The following GPC5 variants were observed in gnomAD, a reference collection of about 807,000 sequenced individuals.
GPC5 encodes glypican 5.
A neutral mutation model predicts 53.9 loss-of-function variants in GPC5; 47 were observed. The ratio of observed to expected loss-of-function variants is 0.87; its 90% confidence interval spans 0.69 to 1.11. The LOEUF is 1.11. GPC5 is among the 50% of genes most tolerant of loss of function. GPC5 has a pLI of 0.00. For synonymous variants in GPC5, 286 were observed against 263.3 expected (o/e 1.09, Z -0.84); for missense variants, 748 against 713.1 (o/e 1.05, Z -0.56).
intron 4 of GPC5, among the ~76,000 whole-genome samples, chr13:91,745,168 G>A (rs1463137460): frequency 2.6e-5 from 4 of 152,060 alleles, no homozygotes; most frequent in Admixed American, 2.6e-4. Context: ...AGGGGAAAAC[G>A]ATGTTAGAAC....
intron 5 of GPC5, among the ~76,000 whole-genome samples, chr13:91,834,268 A>G (rs979057835): frequency 6.6e-6 from 1 of 152,212 alleles, no homozygotes; most frequent in African/African-American, 2.4e-5. Context: ...ATGGAAATAT[A>G]TTCCATGCTC....
intron 6 of GPC5, among the ~76,000 whole-genome samples, chr13:92,139,903 T>C (rs988164626): frequency 4.7e-4 from 72 of 152,178 alleles, no homozygotes; most frequent in African/African-American, 1.6e-3. Context: ...TCAAAATAGA[T>C]GTATTTAGCG....
chr13:92,479,471 A>G (rs1458288587), intron 7 of GPC5, among the ~76,000 whole-genome samples: 1 of 152,200 alleles, frequency 6.6e-6, no homozygotes, highest in Non-Finnish European at 1.5e-5. Context: ...TGAAATCTCA[A>G]TTAGAGTGGT....
intron 7 of GPC5, among the ~76,000 whole-genome samples, chr13:92,315,314 A>AT (rs1201902104): frequency 6.6e-6 from 1 of 152,112 alleles, no homozygotes; most frequent in Non-Finnish European, 1.5e-5. Flanking sequence ...GGTAGGATAA[A>AT]TTGGGCTCCT....
At chr13:92,298,388 C>T (rs1370582462) in intron 7 of GPC5, among the ~76,000 whole-genome samples, 1 of 152,186 alleles carries the variant, frequency 6.6e-6, no homozygotes, top group Admixed American at 6.5e-5. Context: ...CCGGAGGTTT[C>T]CTTCTCCCTG....
intron 5 of GPC5, among the ~76,000 whole-genome samples, chr13:91,891,754 T>G (rs1195911472): frequency 6.6e-6 from 1 of 152,166 alleles, no homozygotes; most frequent in African/African-American, 2.4e-5. Flanking sequence ...GTGGTTAAAT[T>G]TTGTTCAGCT....
chr13:92,633,191 C>T (rs1885311727), intron 7 of GPC5, among the ~76,000 whole-genome samples: 1 of 152,146 alleles, frequency 6.6e-6, no homozygotes, highest in South Asian at 2.1e-4. Context: ...CCACGCCCAG[C>T]CAAAACTCCC....
At chr13:91,449,221 C>G (rs1042551405) in intron 2 of GPC5, among the ~76,000 whole-genome samples, 5 of 151,976 alleles carry the variant, frequency 3.3e-5, no homozygotes, top group Non-Finnish European at 7.4e-5. Context: ...CATAGCTGTA[C>G]TTTAATATGA....
At chr13:92,281,313 C>T (rs916105315) in intron 7 of GPC5, among the ~76,000 whole-genome samples, 3 of 152,206 alleles carry the variant, frequency 2.0e-5, no homozygotes. Flanking sequence ...TAGACTCCAC[C>T]TCTGGGGGCA....
chr13:92,087,192 T>C (rs2041342579), intron 6 of GPC5, among the ~76,000 whole-genome samples: 2 of 152,258 alleles, frequency 1.3e-5, no homozygotes, highest in South Asian at 4.1e-4. Flanking sequence ...TGATGCTTTC[T>C]TTAATGCCCT....
intron 4 of GPC5, among the ~76,000 whole-genome samples, chr13:91,735,744 A>G (rs750380051): frequency 6.6e-6 from 1 of 151,162 alleles, no homozygotes; most frequent in Non-Finnish European, 1.5e-5. Context: ...GCACTGGTAC[A>G]GTTTCCTCCT....
At chr13:92,243,147 T>G (rs959983501) in intron 7 of GPC5, among the ~76,000 whole-genome samples, 1 of 152,208 alleles carries the variant, frequency 6.6e-6, no homozygotes, top group Non-Finnish European at 1.5e-5. Context: ...TAATTTGACT[T>G]GTTATTACAA....
intron 2 of GPC5, among the ~76,000 whole-genome samples, chr13:91,503,780 A>AAATAATGATAATAAT (rs145615182): frequency 1.2e-3 from 158 of 132,882 alleles, no homozygotes; most frequent in African/African-American, 4.3e-3. Flanking sequence ...CTCTGTCTCA[A>AAATAATGATAATAAT]AATAATAATA....
intron 7 of GPC5, among the ~76,000 whole-genome samples, chr13:92,346,000 C>T (rs529709312): frequency 4.6e-5 from 7 of 152,284 alleles, no homozygotes; most frequent in African/African-American, 1.7e-4. Flanking sequence ...GTTCATTTTA[C>T]TTTGAGTCTC....
chr13:92,815,028 A>T (rs1289713699), intron 7 of GPC5, among the ~76,000 whole-genome samples: 1 of 152,040 alleles, frequency 6.6e-6, no homozygotes, highest in Non-Finnish European at 1.5e-5. Flanking sequence ...CATTCAACAT[A>T]TATTTATTTA....
intron 6 of GPC5, among the ~76,000 whole-genome samples, chr13:92,031,095 A>T (rs539022484): frequency 6.6e-6 from 1 of 151,912 alleles, no homozygotes; most frequent in Non-Finnish European, 1.5e-5. Context: ...CTATAACACC[A>T]TGGCCTACTG....
In GPC5 at chr13:92,811,753, G is replaced by T. The variant is rs76395809; in HGVS notation, c.1562-54529G>T. On this transcript the variant is annotated intron_variant, in intron 7 of 7. Transcript: ENST00000377067. ...TAGTTTTAGCTGTTACATTTAGGTC[G>T]TTGATCCATTTTGAGTTAATTTTTT... Among the ~76,000 whole-genome samples, 1,138 of 151,800 alleles carry T rather than the reference G, an allele frequency of 7.5e-3. 36 individuals are homozygous for T. Among genetic ancestry groups the T allele is most frequent in the African/African-American group, 0.027 (1,105 of 41,258 alleles).
intron 7 of GPC5, among the ~76,000 whole-genome samples, chr13:92,657,747 A>G (rs1262991587): frequency 2.6e-5 from 4 of 151,954 alleles, no homozygotes; most frequent in Admixed American, 2.6e-4. Flanking sequence ...ATTTTCCAAG[A>G]TAAGTCTGCA....
rs71202562 is a variant in GPC5 at position 92,787,667 on chromosome 13, C to CAAAAAAA, written c.1562-78605_1562-78599dup. ...GGGCAACAGAGAGACCTCATAGCTA[C>CAAAAAAA]AAAAAAAAAAAAAAAAGAAAAGAAA... On this transcript the variant is annotated intron_variant, in intron 7 of 7. Transcript: ENST00000377067. 1.1e-3 allele frequency among the ~76,000 whole-genome samples: 62 copies of CAAAAAAA among 56,222 alleles called. 2 individuals are homozygous for CAAAAAAA. The highest frequency in any genetic ancestry group is 1.1e-3 in the Non-Finnish European group (35 of 30,596). 36.9% of individuals were successfully genotyped at this position (56,222 alleles called of 152,430 possible).
Sources: allele counts gnomAD v4.1 joint callset (sites outside exome capture counted in the v4.1 genomes callset), GRCh38; gene constraint gnomAD v4.1.1; transcripts MANE v1.5; gene names NCBI Gene and HGNC (gene_info 2026-07-23, HGNC 2026-07-21).